The following FAM120B variants were observed in gnomAD, a reference collection of about 807,000 sequenced individuals.
FAM120B encodes family with sequence similarity 120 member B, also known as constitutive coactivator of peroxisome proliferator-activated receptor gamma.
In FAM120B, 83 loss-of-function variants were observed where a neutral mutation model predicts 96.3. That is an observed-to-expected ratio of 0.86 (90% CI 0.72 to 1.03). FAM120B has a LOEUF of 1.03. Ranked by LOEUF, FAM120B falls within the 50% of genes least tolerant of loss-of-function variation. The pLI is 0.00. For synonymous variants in FAM120B, 407 were observed against 402.7 expected (o/e 1.01, Z -0.13); for missense variants, 1,027 against 1,121.2 (o/e 0.92, Z 1.20).
intron 1 of FAM120B, among the ~76,000 whole-genome samples, chr6:170,315,683 C>G (rs1333941461): frequency 6.6e-6 from 1 of 152,094 alleles, no homozygotes; most frequent in African/African-American, 2.4e-5. Context: ...TTTATGTTCA[C>G]CCAATTTTTG....
intron 1 of FAM120B, among the ~76,000 whole-genome samples, chr6:170,301,443 G>T (rs1172567931): frequency 5.3e-5 from 8 of 152,228 alleles, no homozygotes; most frequent in African/African-American, 1.9e-4. Context: ...CTGCCATGAA[G>T]GTCTCTAACA....
chr6:170,300,981 C>A (rs567083097), intron 1 of FAM120B, among the ~76,000 whole-genome samples: 30 of 152,318 alleles, frequency 2.0e-4, no homozygotes, highest in African/African-American at 6.7e-4. Context: ...GTGGATCTAC[C>A]ATTCTAGGGT....
chr6:170,374,060 A>C (rs1036359965), intron 6 of FAM120B, among the ~76,000 whole-genome samples: 12 of 152,144 alleles, frequency 7.9e-5, no homozygotes, highest in Non-Finnish European at 1.5e-4. Context: ...ACTTCTGCTT[A>C]GAGTAGCAGC....
chr6:170,343,493 A>T (rs568809984), intron 4 of FAM120B, among the ~76,000 whole-genome samples: 2 of 152,040 alleles, frequency 1.3e-5, no homozygotes, highest in East Asian at 1.9e-4. Context: ...TAGGATGAAA[A>T]TTTTTTATAT....
At chr6:170,292,261 T>C (rs1783898877), upstream of FAM120B, among the ~76,000 whole-genome samples, 2 of 152,022 alleles carry the variant, frequency 1.3e-5, no homozygotes, top group African/African-American at 4.8e-5. This position sits in a 1 kb window ranked among gnomAD's most constrained non-coding sequence, Gnocchi z 6.6. Context: ...GGGAAATGAG[T>C]TTATTGGGAG....
At chr6:170,381,766 C>G (rs1301630897) in intron 6 of FAM120B, among the ~76,000 whole-genome samples, 3 of 149,384 alleles carry the variant, frequency 2.0e-5, no homozygotes, top group Non-Finnish European at 4.4e-5. Context: ...ATGAATCATT[C>G]AGAAAAAGGA....
At chr6:170,351,823 C>T (rs1787600872) in intron 5 of FAM120B, among the ~76,000 whole-genome samples, 1 of 152,212 alleles carries the variant, frequency 6.6e-6, no homozygotes, top group African/African-American at 2.4e-5. Context: ...TATTACCAGC[C>T]ACTACAAAAA....
chr6:170,294,562 G>C (rs1402112324), upstream of FAM120B, among the ~76,000 whole-genome samples: 2 of 152,166 alleles, frequency 1.3e-5, no homozygotes, highest in Non-Finnish European at 2.9e-5. The surrounding 1 kb of genome is among the most constrained non-coding windows in gnomAD (Gnocchi z 7.9). Context: ...GGGAATAAAA[G>C]CTTATGGCCA....
At chr6:170,368,938 C>T (rs1242460513) in intron 6 of FAM120B, among the ~76,000 whole-genome samples, 1 of 148,362 alleles carries the variant, frequency 6.7e-6, no homozygotes, top group African/African-American at 2.5e-5. Flanking sequence ...GTGCCCCCCA[C>T]CCCCCCACCA....
intron 6 of FAM120B, among the ~76,000 whole-genome samples, chr6:170,378,163 A>G (rs933045812): frequency 1.3e-5 from 2 of 152,238 alleles, no homozygotes; most frequent in Non-Finnish European, 2.9e-5. Context: ...GCAGACTTCC[A>G]TCAGAGATCA....
intron 3 of FAM120B, 82 bp from the exon 4 acceptor site, chr6:170,330,367 C>T: frequency 9.5e-7 from 1 of 1,054,428 alleles, no homozygotes; most frequent in Non-Finnish European, 1.4e-6. Flanking sequence ...AATTGGCCAC[C>T]TGGGCAGAGC....
chr6:170,381,705 C>T (rs1284912129), intron 6 of FAM120B, among the ~76,000 whole-genome samples: 3 of 151,766 alleles, frequency 2.0e-5, no homozygotes, highest in African/African-American at 4.8e-5. Context: ...AAAAATCAGT[C>T]AGTGAAACCC....
chr6:170,348,754 C>T (rs777384791), intron 5 of FAM120B, among the ~76,000 whole-genome samples: 4 of 152,186 alleles, frequency 2.6e-5, no homozygotes, highest in Non-Finnish European at 5.9e-5. Flanking sequence ...ACTACTTCAG[C>T]TTTTTCCTAT....
At chr6:170,328,904 C>T (rs548547205) in intron 3 of FAM120B, among the ~76,000 whole-genome samples, 2 of 152,340 alleles carry the variant, frequency 1.3e-5, no homozygotes, top group East Asian at 3.9e-4. Flanking sequence ...TGCCTTTAAA[C>T]TTCATTAGGC....
At chr6:170,353,039 G>T (rs937476422) in intron 5 of FAM120B, among the ~76,000 whole-genome samples, 1 of 152,162 alleles carries the variant, frequency 6.6e-6, no homozygotes, top group Admixed American at 6.5e-5. Flanking sequence ...TGATAAGGGG[G>T]TTATCACCAC....
chr6:170,350,409 A>C (rs1012587150), intron 5 of FAM120B, among the ~76,000 whole-genome samples: 2 of 152,204 alleles, frequency 1.3e-5, no homozygotes, highest in African/African-American at 4.8e-5. Context: ...CGGATGAGGG[A>C]GGGTCCCCCA....
intron 6 of FAM120B, among the ~76,000 whole-genome samples, chr6:170,378,100 G>A (rs185249859): frequency 1.3e-5 from 2 of 152,320 alleles, no homozygotes; most frequent in Non-Finnish European, 2.9e-5. Flanking sequence ...ACCTGATAGA[G>A]TTGCCATAAA....
chr6:170,393,512 G>A (rs945444998), intron 8 of FAM120B, among the ~76,000 whole-genome samples: 4 of 152,178 alleles, frequency 2.6e-5, no homozygotes, highest in African/African-American at 9.7e-5. Context: ...AAGTTAATGA[G>A]GCAAACTACA....
At chr6:170,303,407 T>G (rs1256105828), upstream of FAM120B, among the ~76,000 whole-genome samples, 1 of 152,156 alleles carries the variant, frequency 6.6e-6, no homozygotes, top group African/African-American at 2.4e-5. Flanking sequence ...GCCTGGCCAA[T>G]TTTTAAAAAT....
Sources: gnomAD v4.1 joint callset for allele counts (sites outside exome capture counted in the v4.1 genomes callset) on GRCh38, gnomAD v4.1.1 for gene constraint, Gnocchi (gnomAD v3.1) non-coding constraint, MANE v1.5 for transcripts, NCBI Gene and HGNC (gene_info 2026-07-23, HGNC 2026-07-21) for gene names.